Variants in TAF4B observed in about 807,000 individuals in gnomAD.
TAF4B encodes the protein TATA-box binding protein associated factor 4b, also known as transcription initiation factor TFIID subunit 4B.
In TAF4B, 38 loss-of-function variants were observed where a neutral mutation model predicts 86.4. The ratio of observed to expected loss-of-function variants is 0.44; its 90% CI spans 0.34 to 0.58. The LOEUF (loss-of-function observed/expected upper bound fraction) is 0.58, where lower values mean the gene tolerates loss of function less well. Ranked by LOEUF, TAF4B falls within the 20% of genes least tolerant of loss-of-function variation. The pLI is 0.02. For synonymous variants in TAF4B, 388 were observed against 391.2 expected (o/e 0.99, Z 0.10); for missense variants, 988 against 1,027.6 (o/e 0.96, Z 0.53).
At chr18:26,298,851 C>CATTTTTT (rs2056695982) in intron 9 of TAF4B, among the ~76,000 whole-genome samples, 1 of 46,542 alleles carries the variant, frequency 2.1e-5, no homozygotes, top group Admixed American at 3.5e-4. Context: ...AGCCTATTGC[C>CATTTTTT]TTTTTTTTTT....
intron 1 of TAF4B, among the ~76,000 whole-genome samples, chr18:26,259,538 G>GT (rs2056134978): frequency 6.6e-6 from 1 of 151,948 alleles, no homozygotes; most frequent in African/African-American, 2.4e-5. Flanking sequence ...GTGGTGTTTG[G>GT]TTTTTTGTCC....
At chr18:26,262,204 G>T (rs746101138) in intron 1 of TAF4B, among the ~76,000 whole-genome samples, 19 of 150,976 alleles carry the variant, frequency 1.3e-4, no homozygotes, top group Non-Finnish European at 2.2e-4. Flanking sequence ...TAGCTGGGAT[G>T]GGGGGTGAGG....
intron 13 of TAF4B, among the ~76,000 whole-genome samples, chr18:26,346,773 A>ATATATATATATATATATATGTGTG (rs1404902479): frequency 2.1e-4 from 5 of 24,108 alleles, no homozygotes; most frequent in Non-Finnish European, 4.9e-4. Flanking sequence ...ATATATATAT[A>ATATATATATATATATATATGTGTG]TGTGTGTGTA....
intron 9 of TAF4B, 64 bp from the exon 10 acceptor site, chr18:26,315,145 TGTCTCTCTCTCTCTCTCACA>T: frequency 6.2e-6 from 1 of 160,554 alleles, no homozygotes; most frequent in Non-Finnish European, 1.1e-5. Flanking sequence ...TCTCTCTCTC[TGTCTCTCTCTCTCTCTCACA>T]CACACACACA....
chr18:26,328,964 C>T (rs2057029526), intron 12 of TAF4B, among the ~76,000 whole-genome samples: 1 of 151,696 alleles, frequency 6.6e-6, no homozygotes, highest in South Asian at 2.1e-4. Context: ...ATCATTAATC[C>T]CCTCCCTGTT....
chr18:26,365,094 C>T (rs766064230), intron 14 of TAF4B, among the ~76,000 whole-genome samples: 3 of 150,694 alleles, frequency 2.0e-5, no homozygotes. Flanking sequence ...GCAACCTCCA[C>T]CTCCTGGATT....
At chr18:26,243,008 C>T (rs1163659033) in intron 1 of TAF4B, among the ~76,000 whole-genome samples, 1 of 152,130 alleles carries the variant, frequency 6.6e-6, no homozygotes. Context: ...TCTCTGGCTG[C>T]CCTTAATATT....
At chr18:26,377,344 T>A (rs543262405) in intron 14 of TAF4B, among the ~76,000 whole-genome samples, 1 of 152,350 alleles carries the variant, frequency 6.6e-6, no homozygotes, top group South Asian at 2.1e-4. Context: ...CGATTCAATC[T>A]CTTCCTCTAG....
At chr18:26,384,457 G>A (rs919642854) in intron 14 of TAF4B, among the ~76,000 whole-genome samples, 8 of 152,326 alleles carry the variant, frequency 5.3e-5, no homozygotes, top group Non-Finnish European at 1.2e-4. Context: ...CCCGTCACAT[G>A]TCTGAAATGG....
intron 11 of TAF4B, 79 bp downstream of exon 11, chr18:26,321,279 C>T (rs894913863): frequency 9.5e-6 from 14 of 1,474,046 alleles, no homozygotes; most frequent in East Asian, 2.3e-5. Context: ...ATTCTAAACA[C>T]GTTTTTAAAG....
At chr18:26,250,397 T>C (rs2055988257) in intron 1 of TAF4B, among the ~76,000 whole-genome samples, 1 of 150,690 alleles carries the variant, frequency 6.6e-6, no homozygotes, top group Admixed American at 6.6e-5. Flanking sequence ...CTCGAGAGGC[T>C]GAGGCAGGAG....
At chr18:26,345,598 A>G (rs186353807) in intron 13 of TAF4B, among the ~76,000 whole-genome samples, 51 of 152,360 alleles carry the variant, frequency 3.3e-4, no homozygotes, top group Admixed American at 2.9e-3. Flanking sequence ...AGTATGGATT[A>G]CAGCTGAAGA....
At chr18:26,350,439 A>T (rs573004519) in intron 13 of TAF4B, among the ~76,000 whole-genome samples, 138 of 152,334 alleles carry the variant, frequency 9.1e-4, no homozygotes, top group African/African-American at 3.1e-3. Context: ...GGGAAGGAAG[A>T]TGTAGGAGGA....
intron 7 of TAF4B, among the ~76,000 whole-genome samples, chr18:26,287,061 A>G (rs533320477): frequency 7.9e-5 from 12 of 152,208 alleles, no homozygotes; most frequent in Non-Finnish European, 1.6e-4. Flanking sequence ...CATGGTGTAT[A>G]TCTCCTAAAA....
chr18:26,298,559 G>A (rs2056692829), intron 9 of TAF4B, among the ~76,000 whole-genome samples: 1 of 151,056 alleles, frequency 6.6e-6, no homozygotes, highest in South Asian at 2.1e-4. Flanking sequence ...AAGAAACAAG[G>A]TCTTGCTCTG....
chr18:26,277,346 G>C (rs572602518), intron 5 of TAF4B, among the ~76,000 whole-genome samples: 2 of 152,202 alleles, frequency 1.3e-5, no homozygotes, highest in African/African-American at 4.8e-5. Flanking sequence ...TTGGCCTGGC[G>C]AAGTGCTAGG....
At chr18:26,246,125 T>G (rs2055920433) in intron 1 of TAF4B, among the ~76,000 whole-genome samples, 1 of 152,142 alleles carries the variant, frequency 6.6e-6, no homozygotes, top group African/African-American at 2.4e-5. Context: ...AAACTACCCA[T>G]GGAATCTAAG....
chr18:26,300,633 A>G (rs190993095), intron 9 of TAF4B, among the ~76,000 whole-genome samples: 14 of 152,170 alleles, frequency 9.2e-5, no homozygotes, highest in Admixed American at 7.9e-4. Context: ...TATTAAATTT[A>G]TTGAGACTTC....
rs186023124 is a variant in TAF4B at position 26,337,073 on chromosome 18, C to T, written c.2316+1842C>T. Among the ~76,000 whole-genome samples the T allele has an allele frequency of 3.6e-3, 546 of 152,286 alleles. 5 individuals are homozygous for T. The highest frequency in any genetic ancestry group is 0.012 in the African/African-American group (515 of 41,560). ...GGTGGTAGCAAACCTGTGTTTTTCT[C>T]TTCCTTTGCACCTCCATTTATTTCT... is the stretch of plus-strand genomic sequence containing the variant. On this transcript the variant is annotated intron_variant, in intron 13 of 14. Transcript: ENST00000269142.
Sources: gnomAD v4.1 joint callset for allele counts (sites outside exome capture counted in the v4.1 genomes callset) on GRCh38, gnomAD v4.1.1 for gene constraint, MANE v1.5 for transcripts, NCBI Gene and HGNC (gene_info 2026-07-23, HGNC 2026-07-21) for gene names.